Variants in CSMD1 observed in about 807,000 individuals in gnomAD.
CSMD1 encodes CUB and Sushi multiple domains 1, also known as CUB and sushi domain-containing protein 1.
A neutral mutation model predicts 417.5 loss-of-function variants in CSMD1; 213 were observed. That is an observed-to-expected ratio of 0.51 (90% CI 0.46 to 0.57). The LOEUF (loss-of-function observed/expected upper bound fraction) is 0.57, where lower values mean the gene tolerates loss of function less well. CSMD1 is among the 20% of genes least tolerant of loss of function. CSMD1 has a pLI of 0.00. For synonymous variants in CSMD1, 2,862 were observed against 1,736.8 expected, an observed-to-expected ratio of 1.65 and a Z score of -16.11; for missense variants, 6,923 against 4,529.7, an observed-to-expected ratio of 1.53 and a Z score of -15.17.
intron 7 of CSMD1, among the ~76,000 whole-genome samples, chr8:3,681,307 A>G (rs566300777): frequency 6.6e-6 from 1 of 152,200 alleles, no homozygotes; most frequent in Non-Finnish European, 1.5e-5. Context: ...CTCAGCACAA[A>G]ATCTCCTTAA....
At chr8:4,001,637 G>T (rs918071931) in intron 4 of CSMD1, among the ~76,000 whole-genome samples, 2 of 152,092 alleles carry the variant, frequency 1.3e-5, no homozygotes, top group African/African-American at 4.8e-5. Context: ...AGTCCCCTGA[G>T]TCTAAGATCT....
chr8:4,153,988 T>C (rs1032980814), intron 3 of CSMD1, among the ~76,000 whole-genome samples: 4 of 152,178 alleles, frequency 2.6e-5, no homozygotes, highest in African/African-American at 9.6e-5. Flanking sequence ...GAAGGCAGAA[T>C]CCAATGATAG....
chr8:3,975,001 T>A (rs569002939), intron 5 of CSMD1, among the ~76,000 whole-genome samples: 1 of 152,218 alleles, frequency 6.6e-6, no homozygotes, highest in Non-Finnish European at 1.5e-5. Flanking sequence ...TTGAGTTCTT[T>A]GCAGTGAAAA....
intron 3 of CSMD1, among the ~76,000 whole-genome samples, chr8:4,400,662 A>AT (rs1804583364): frequency 6.6e-6 from 1 of 151,628 alleles, no homozygotes; most frequent in Non-Finnish European, 1.5e-5. Context: ...AATACAACCC[A>AT]TATTTTAGGC....
chr8:3,553,747 A>G (rs1311627883), intron 10 of CSMD1, among the ~76,000 whole-genome samples: 1 of 152,246 alleles, frequency 6.6e-6, no homozygotes, highest in Non-Finnish European at 1.5e-5. Flanking sequence ...AGACATATAA[A>G]TTAATAAATC....
chr8:4,544,332 T>C (rs990688725), intron 2 of CSMD1, among the ~76,000 whole-genome samples: 1 of 152,134 alleles, frequency 6.6e-6, no homozygotes, highest in African/African-American at 2.4e-5. Flanking sequence ...TATTTAATTT[T>C]GGTAGGTAGA....
intron 1 of CSMD1, among the ~76,000 whole-genome samples, chr8:4,724,892 A>G (rs566037733): frequency 1.4e-4 from 21 of 152,142 alleles, no homozygotes; most frequent in Admixed American, 3.9e-4. Context: ...CAACTATAAT[A>G]TGAATGAAAC....
chr8:4,143,132 G>GAGGA (rs33912484), intron 3 of CSMD1, among the ~76,000 whole-genome samples: 5 of 73,590 alleles, frequency 6.8e-5, no homozygotes, highest in African/African-American at 1.3e-4. Context: ...ATTGGAATTA[G>GAGGA]CATTTCTAGA....
chr8:4,887,360 T>A (rs1022707615), intron 1 of CSMD1, among the ~76,000 whole-genome samples: 4 of 152,202 alleles, frequency 2.6e-5, no homozygotes, highest in African/African-American at 9.6e-5. Flanking sequence ...CGTTTAAATG[T>A]ATTAAGGCTT....
At chr8:4,160,625 G>C (rs552462790) in intron 3 of CSMD1, among the ~76,000 whole-genome samples, 2 of 152,306 alleles carry the variant, frequency 1.3e-5, no homozygotes, top group East Asian at 3.9e-4. Context: ...CCACTTTCTT[G>C]CAGACACTCT....
At chr8:4,692,783 G>A (rs62484582) in intron 1 of CSMD1, among the ~76,000 whole-genome samples, 10 of 151,998 alleles carry the variant, frequency 6.6e-5, no homozygotes, top group Admixed American at 3.3e-4. Flanking sequence ...TTTCTTATAC[G>A]GGCCCTCCCT....
In CSMD1 at chr8:3,947,037, C is replaced by G. The variant is rs141604962; in HGVS notation, c.818+50866G>C. Among the ~76,000 whole-genome samples, 74 of 152,196 alleles carry G rather than the reference C, an allele frequency of 4.9e-4. No homozygotes were observed. The East Asian group carries it at 0.013, about 27-fold the overall frequency. ...TCTCTATGTCTGTATTTTTCTTGTT[C>G]ATGGCACTTGCTTGGTAACTTCATT... On this transcript the variant is annotated intron_variant, in intron 5 of 69. Transcript: ENST00000635120.
chr8:4,684,012 G>C (rs921989458), intron 1 of CSMD1, among the ~76,000 whole-genome samples: 3 of 152,162 alleles, frequency 2.0e-5, no homozygotes, highest in Non-Finnish European at 2.9e-5. Flanking sequence ...TATTGCTCAA[G>C]TGAATGGTTG....
At chr8:3,728,722 G>A (rs988629927) in intron 6 of CSMD1, among the ~76,000 whole-genome samples, 3 of 152,096 alleles carry the variant, frequency 2.0e-5, no homozygotes, top group Admixed American at 6.5e-5. Context: ...AAGTTAAAAT[G>A]GTGGGCATGG....
intron 5 of CSMD1, among the ~76,000 whole-genome samples, chr8:3,787,142 T>C (rs1563078924): frequency 1.3e-5 from 2 of 152,134 alleles, no homozygotes. Flanking sequence ...TCAAAACATA[T>C]TCTGAACATG....
chr8:4,657,040 A>T (rs1467897177), intron 1 of CSMD1, among the ~76,000 whole-genome samples: 1 of 152,138 alleles, frequency 6.6e-6, no homozygotes, highest in African/African-American at 2.4e-5. Context: ...CACGCAAAAG[A>T]TCACAATGGA....
At position 4,145,263 on chromosome 8, in the gene CSMD1, C is replaced by A. The variant is rs575678121; in HGVS notation, c.416-113164G>T. ...ATGACCTGGACAGGTATAACTGGAA[C>A]TTGTAGAGTTAGACTTCCAATGCTT... On this transcript the variant is annotated intron_variant, in intron 3 of 69. Coordinates refer to ENST00000635120, the MANE Select transcript of CSMD1 (RefSeq NM_033225.6). Among the ~76,000 whole-genome samples the A allele has an allele frequency of 7.3e-5, 11 of 151,098 alleles. No homozygotes were observed. In the South Asian group the frequency reaches 2.3e-3, roughly 31 times the overall value.
At position 3,847,804 on chromosome 8, in the gene CSMD1, A is replaced by G. The variant is rs139968513; in HGVS notation, c.819-93762T>C. On this transcript the variant is annotated intron_variant, in intron 5 of 69. Transcript: ENST00000635120. ...GATTAGGAAATATAGTTGGGTGCCA[A>G]TAATTGCACATCAAACCTCATCTTG... Among the ~76,000 whole-genome samples the G allele has an allele frequency of 2.5e-3, 375 of 152,290 alleles. 3 individuals carry two copies. The highest frequency in any genetic ancestry group is 2.8e-3 in the Non-Finnish European group (193 of 68,020).
chr8:3,540,685 A>G (rs148078613), intron 10 of CSMD1, among the ~76,000 whole-genome samples: 1,791 of 152,330 alleles, frequency 0.012, 11 homozygotes, highest in East Asian at 0.037. Flanking sequence ...CAAATTTACA[A>G]GAAAAAAAAC....
Sources: gnomAD v4.1 joint callset for allele counts (sites outside exome capture counted in the v4.1 genomes callset) on GRCh38, gnomAD v4.1.1 for gene constraint, MANE v1.5 for transcripts, NCBI Gene and HGNC (gene_info 2026-07-23, HGNC 2026-07-21) for gene names.